LMLN: variants seen among roughly 807,000 people sequenced by gnomAD.
The protein encoded by LMLN is leishmanolysin-like peptidase.
Under a neutral mutation model 92.3 loss-of-function variants are expected in LMLN, and 70 were observed. That is an observed-to-expected ratio of 0.76 (90% CI 0.63 to 0.92). LMLN has a LOEUF of 0.92. LMLN is among the 40% of genes least tolerant of loss of function. The pLI, the probability that LMLN is intolerant of heterozygous loss-of-function variation, is 0.00. For missense variants in LMLN, 691 were observed against 814.6 expected, an observed-to-expected ratio of 0.85 and a Z score of 1.85; for synonymous variants, 308 against 296.2, an observed-to-expected ratio of 1.04 and a Z score of -0.41.
intron 5 of LMLN, among the ~76,000 whole-genome samples, chr3:197,979,641 C>T (rs1178669405): frequency 1.3e-5 from 2 of 152,200 alleles, no homozygotes; most frequent in East Asian, 3.9e-4. Context: ...TATGGTGAAA[C>T]CCTGTCTCTA....
At chr3:197,960,417 C>T (rs1720825512) in exon 1 of LMLN, 1 of 1,613,734 alleles carries the variant, frequency 6.2e-7, no homozygotes, top group Non-Finnish European at 8.5e-7. Flanking sequence ...TCCCTGCCGG[C>T]ACCACGTCCC....
rs574172253 is a variant in LMLN, at chr3:197,967,002, C to G, written c.219+6562C>G. 2.6e-5 allele frequency among the ~76,000 whole-genome samples: 4 copies of G among 152,216 alleles called. No individual in the cohort carries two copies. The South Asian group carries it at 8.3e-4, about 32-fold the overall frequency. On this transcript the variant is annotated intron_variant, in intron 1 of 15. Coordinates refer to ENST00000330198, the Ensembl canonical transcript of LMLN. ...GTGGATATGGGCTCTTGCTGTGTTTCCCAGTCTCGTCTGGAGCCACTGGGC... is the reference window on the plus strand; with the variant it reads ...GTGGATATGGGCTCTTGCTGTGTTTGCCAGTCTCGTCTGGAGCCACTGGGC...
At chr3:197,986,144 G>T (rs1396585447) in intron 8 of LMLN, among the ~76,000 whole-genome samples, 1 of 152,138 alleles carries the variant, frequency 6.6e-6, no homozygotes, top group African/African-American at 2.4e-5. Context: ...GTGCTTCCTT[G>T]CATTGAGGAT....
At chr3:198,043,364 G>A (rs1408324542) in exon 16 of LMLN, 2 of 152,716 alleles carry the variant, frequency 1.3e-5, no homozygotes, top group Admixed American at 1.3e-4. Context: ...TGGACAGAGA[G>A]GAGCCTGTCT....
At chr3:197,963,348 G>A (rs890547318) in intron 1 of LMLN, among the ~76,000 whole-genome samples, 1 of 151,918 alleles carries the variant, frequency 6.6e-6, no homozygotes, top group East Asian at 1.9e-4. Flanking sequence ...GGACTCCCAA[G>A]TATGCGCCAC....
intron 4 of LMLN, 38 bp from the exon 5 acceptor site, chr3:197,976,560 T>G (rs372684331): frequency 3.5e-5 from 42 of 1,191,344 alleles, no homozygotes; most frequent in Middle Eastern, 4.0e-4. Flanking sequence ...AATATTCTCT[T>G]TTTTGTATTT....
chr3:197,999,489 T>C, intron 11 of LMLN, 147 bp downstream of exon 11: 1 of 620,162 alleles, frequency 1.6e-6, no homozygotes, highest in Non-Finnish European at 2.9e-6. Context: ...CTGTCCGTTA[T>C]TCATACCAAC....
At chr3:197,979,373 AGGC>A (rs1229330351) in intron 5 of LMLN, among the ~76,000 whole-genome samples, 215 of 152,302 alleles carry the variant, frequency 1.4e-3, no homozygotes, top group African/African-American at 5.1e-3. Context: ...ACCATTACAG[AGGC>A]AAATAAGATT....
chr3:197,992,229 C>T (rs1382787062), intron 9 of LMLN, among the ~76,000 whole-genome samples: 2 of 151,912 alleles, frequency 1.3e-5, no homozygotes, highest in Non-Finnish European at 2.9e-5. Context: ...ATACAGACAC[C>T]AAATGATCAG....
intron 8 of LMLN, among the ~76,000 whole-genome samples, chr3:197,989,253 A>C (rs1281709344): frequency 6.6e-6 from 1 of 152,176 alleles, no homozygotes; most frequent in Non-Finnish European, 1.5e-5. Flanking sequence ...TTTCATGAAT[A>C]AATGCTTTCT....
chr3:198,039,598 C>T (rs993876560), exon 16 of LMLN: 1 of 148,648 alleles, frequency 6.7e-6, no homozygotes, highest in African/African-American at 2.5e-5. Context: ...GACCCTGTAT[C>T]TTAAAAAAAA....
intron 11 of LMLN, among the ~76,000 whole-genome samples, chr3:198,006,875 G>A (rs1261563385): frequency 6.6e-6 from 1 of 152,064 alleles, no homozygotes; most frequent in East Asian, 1.9e-4. Context: ...ACTATGTCTG[G>A]CTAATTTTTG....
chr3:198,027,093 C>A (rs948859302), intron 14 of LMLN, among the ~76,000 whole-genome samples: 3 of 152,086 alleles, frequency 2.0e-5, no homozygotes, highest in African/African-American at 7.2e-5. Context: ...AGTTTTCCAC[C>A]TTTTCACATA....
At chr3:198,020,762 T>TTTTGTTTG (rs1560152805) in intron 12 of LMLN, among the ~76,000 whole-genome samples, 3 of 139,522 alleles carry the variant, frequency 2.2e-5, no homozygotes, top group African/African-American at 8.6e-5. Context: ...CCCAGCTAAT[T>TTTTGTTTG]TTTGTATTTT....
intron 11 of LMLN, 58 bp from the exon 12 acceptor site, chr3:198,002,957 C>A: frequency 2.2e-6 from 2 of 924,970 alleles, no homozygotes; most frequent in Non-Finnish European, 3.4e-6. Context: ...AATTGTTATG[C>A]TAGAGTTGTT....
At chr3:197,979,301 G>C (rs1405877854) in intron 5 of LMLN, among the ~76,000 whole-genome samples, 1 of 151,920 alleles carries the variant, frequency 6.6e-6, no homozygotes, top group Non-Finnish European at 1.5e-5. Context: ...TGATTTTTCT[G>C]TTTCTAATTT....
Position 198,031,469 on chromosome 3 carries a change from A to G in LMLN, c.1657-4364A>G, listed in dbSNP as rs192341867. Reference sequence around the variant, plus strand: ...TAGCTGGAAACCTTTGTGCCAAAACAGCACATTTTGGGGTGGCGTGTTCTG... The same window carrying G: ...TAGCTGGAAACCTTTGTGCCAAAACGGCACATTTTGGGGTGGCGTGTTCTG... On this transcript the variant is annotated intron_variant, in intron 14 of 15. Coordinates refer to ENST00000330198, the Ensembl canonical transcript of LMLN. This position sits in a 1 kb window ranked among gnomAD's most constrained non-coding sequence, Gnocchi z 4.8. 6.6e-6 allele frequency among the ~76,000 whole-genome samples: 1 copy of G among 152,320 alleles called. No individual in the cohort carries two copies. The highest frequency in any genetic ancestry group is 1.9e-4 in the East Asian group (1 of 5,184).
intron 1 of LMLN, among the ~76,000 whole-genome samples, chr3:197,969,198 T>G (rs1238171174): frequency 6.6e-6 from 1 of 151,968 alleles, no homozygotes; most frequent in Non-Finnish European, 1.5e-5. Flanking sequence ...CCTCCCACCT[T>G]AGCCTCCCAA....
In LMLN at chr3:197,960,263, C is replaced by T. The variant is rs372368519; in HGVS notation, c.42C>T (p.Gly14=). 81 of 1,613,066 alleles carry T rather than the reference C, an allele frequency of 5.0e-5. No homozygotes were observed. The South Asian group carries it at 5.8e-4, about 12-fold the overall frequency. ...GCCCGAAGATGGCGGCCGAATGGGG[C>T]GGAGGAGTGGGTTACTCGGGCTCAG... is the stretch of plus-strand genomic sequence containing the variant. The change falls in exon 1 of 16, where the codon GGC becomes GGT. Residue 14 remains glycine, a synonymous_variant. Transcript: ENST00000330198.
Sources: allele counts gnomAD v4.1 joint callset (sites outside exome capture counted in the v4.1 genomes callset), GRCh38; gene constraint gnomAD v4.1.1; non-coding constraint Gnocchi (gnomAD v3.1); transcripts MANE v1.5; gene names NCBI Gene and HGNC (gene_info 2026-07-23, HGNC 2026-07-21).